FAT3: variants seen among roughly 807,000 people sequenced by gnomAD.
FAT3 encodes protocadherin Fat 3.
FAT3 carries 95 observed loss-of-function variants against 310.2 expected under a neutral mutation model. The ratio of observed to expected loss-of-function variants is 0.31; its 90% CI spans 0.26 to 0.36. The LOEUF is 0.36. Ranked by LOEUF, FAT3 falls within the 10% of genes least tolerant of loss-of-function variation. The pLI is 1.00. For missense variants in FAT3, 5,408 were observed against 5,715.6 expected (o/e 0.95, Z 1.74); for synonymous variants, 2,314 against 2,192.9 (o/e 1.06, Z -1.54).
chr11:92,761,799 C>T (rs1243573681), intron 4 of FAT3, 57 bp from the exon 5 acceptor site: 1 of 1,508,092 alleles, frequency 6.6e-7, no homozygotes, highest in East Asian at 2.3e-5. Context: ...CATAGGTTAA[C>T]ATGTAATAGC....
intron 7 of FAT3, among the ~76,000 whole-genome samples, chr11:92,786,547 C>T (rs10765562): frequency 0.41 from 62,940 of 151,762 alleles, 14,929 homozygotes; most frequent in South Asian, 0.63. Context: ...AAAACTATAC[C>T]GAAATGCCGT....
intron 12 of FAT3, among the ~76,000 whole-genome samples, chr11:92,807,859 A>T (rs1482584315): frequency 6.6e-6 from 1 of 152,238 alleles, no homozygotes; most frequent in Non-Finnish European, 1.5e-5. Context: ...AAATTATTTT[A>T]GTTTTGTAGA....
At chr11:92,803,432 G>A (rs1591757103) in intron 10 of FAT3, among the ~76,000 whole-genome samples, 1 of 152,240 alleles carries the variant, frequency 6.6e-6, no homozygotes, top group East Asian at 1.9e-4. Context: ...AAAGAACACT[G>A]TGGGCCTGCA....
At chr11:92,558,430 G>T (rs140988137) in intron 3 of FAT3, among the ~76,000 whole-genome samples, 1 of 147,432 alleles carries the variant, frequency 6.8e-6, no homozygotes, top group Non-Finnish European at 1.5e-5. Context: ...GTGTATGCAC[G>T]TGTGTGTTTA....
chr11:92,410,392 C>G (rs146794944), intron 2 of FAT3, among the ~76,000 whole-genome samples: 4 of 151,550 alleles, frequency 2.6e-5, no homozygotes, highest in African/African-American at 9.7e-5. Flanking sequence ...CAGTGGGGAG[C>G]GGGGAGAGAG....
intron 13 of FAT3, among the ~76,000 whole-genome samples, chr11:92,830,211 A>G (rs1948206906): frequency 6.6e-6 from 1 of 152,354 alleles, no homozygotes; most frequent in East Asian, 1.9e-4. Context: ...TAAAGTGAAC[A>G]TGAGGTTTCT....
intron 2 of FAT3, among the ~76,000 whole-genome samples, chr11:92,384,215 T>G (rs1047822293): frequency 6.6e-6 from 1 of 152,156 alleles, no homozygotes; most frequent in African/African-American, 2.4e-5. Context: ...CCTGTATAAA[T>G]CTGAAGGCTT....
intron 1 of FAT3, among the ~76,000 whole-genome samples, chr11:92,293,419 T>A (rs1946752769): frequency 6.6e-6 from 1 of 150,384 alleles, no homozygotes; most frequent in Non-Finnish European, 1.5e-5. Context: ...ACATTTAGAG[T>A]GTATGTCGAT....
intron 22 of FAT3, among the ~76,000 whole-genome samples, chr11:92,867,630 G>A (rs183597745): frequency 6.6e-5 from 10 of 152,310 alleles, no homozygotes; most frequent in African/African-American, 2.4e-4. Context: ...CTGACCAGAC[G>A]TAGACATAAA....
intron 3 of FAT3, among the ~76,000 whole-genome samples, chr11:92,535,612 C>T (rs1246233579): frequency 2.0e-5 from 3 of 152,124 alleles, no homozygotes; most frequent in Admixed American, 2.0e-4. Flanking sequence ...GTTTTTGAAC[C>T]ACTCAAGCTT....
At position 92,800,463 on chromosome 11, in the gene FAT3, A is replaced by G. The variant is rs376710219; in HGVS notation, c.7450A>G (p.Ile2484Val). 1 of 1,613,954 alleles carries G rather than the reference A, an allele frequency of 6.2e-7. No individual in the cohort carries two copies. Among genetic ancestry groups the G allele is most frequent in the Non-Finnish European group, 8.5e-7 (1 of 1,179,878 alleles). The stretch of plus-strand genomic sequence containing the variant: ...GTTCACCAGCACTGCACAGGTGCAT[A>G]TTAGGGTACTTGGGGCTAACTTGTA... ...GLFTSTAQVH[I>V]RVLGANLYSP... The change falls in exon 10 of 28, where the codon ATT becomes GTT. Residue 2484 changes from isoleucine (I) to valine (V), a missense_variant. Physicochemically the swap from Ile to Val is conservative, Grantham distance 29. This residue lies in a region of FAT3 where 4,588 missense variants were observed against 4,809.8 expected (regional missense o/e 0.95). Transcript: ENST00000525166.
At chr11:92,874,618 C>G (rs562402279) in intron 22 of FAT3, among the ~76,000 whole-genome samples, 10 of 152,228 alleles carry the variant, frequency 6.6e-5, no homozygotes, top group Non-Finnish European at 1.3e-4. Context: ...CGGCTCACCA[C>G]AACCTCCGCC....
chr11:92,719,177 A>G (rs1002559573), intron 4 of FAT3, among the ~76,000 whole-genome samples: 12 of 152,220 alleles, frequency 7.9e-5, no homozygotes, highest in Admixed American at 2.0e-4. Context: ...ACTGTTTCCT[A>G]GGACAGACCC....
At chr11:92,351,046 A>G (rs1453328330) in intron 1 of FAT3, among the ~76,000 whole-genome samples, 1 of 152,184 alleles carries the variant, frequency 6.6e-6, no homozygotes, top group East Asian at 1.9e-4. Flanking sequence ...GTATCTTTTA[A>G]CCCACATAGT....
chr11:92,403,809 G>A (rs575500427), intron 2 of FAT3, among the ~76,000 whole-genome samples: 1 of 152,122 alleles, frequency 6.6e-6, no homozygotes, highest in East Asian at 1.9e-4. Context: ...GGACAAGGTG[G>A]GAGGATCACG....
intron 4 of FAT3, among the ~76,000 whole-genome samples, chr11:92,700,713 C>G (rs1288223290): frequency 6.6e-6 from 1 of 152,160 alleles, no homozygotes; most frequent in Non-Finnish European, 1.5e-5. Context: ...AAGCTCGCCA[C>G]ACACACCATT....
chr11:92,562,874 G>A (rs1955284309), intron 3 of FAT3, among the ~76,000 whole-genome samples: 1 of 152,132 alleles, frequency 6.6e-6, no homozygotes, highest in East Asian at 1.9e-4. Flanking sequence ...AGGTGAGGGT[G>A]GATTATTATT....
At chr11:92,591,053 T>C (rs555244290) in intron 3 of FAT3, among the ~76,000 whole-genome samples, 3 of 152,236 alleles carry the variant, frequency 2.0e-5, no homozygotes, top group South Asian at 2.1e-4. Flanking sequence ...TAGGGCAAAC[T>C]AATGGCCTGG....
intron 1 of FAT3, among the ~76,000 whole-genome samples, chr11:92,284,334 G>C (rs1056282759): frequency 6.6e-6 from 1 of 151,926 alleles, no homozygotes; most frequent in African/African-American, 2.4e-5. Flanking sequence ...CACAATGGGA[G>C]AAAAGTAAAT....
Sources: allele counts gnomAD v4.1 joint callset (sites outside exome capture counted in the v4.1 genomes callset), GRCh38; gene constraint gnomAD v4.1.1; regional missense constraint gnomAD v4.1.1; transcripts MANE v1.5; gene names NCBI Gene and HGNC (gene_info 2026-07-23, HGNC 2026-07-21).